The following BTNL8 variants were observed in gnomAD, a reference collection of about 807,000 sequenced individuals.
BTNL8 encodes the protein butyrophilin like 8.
In BTNL8, 22 loss-of-function variants were observed where a neutral mutation model predicts 36.1. That is an observed-to-expected ratio of 0.61 (90% CI 0.44 to 0.87). BTNL8 has a LOEUF of 0.87. Among genes scored for constraint, BTNL8 ranks in the 40% least tolerant of loss-of-function variants. The probability of loss-of-function intolerance (pLI) is 0.00; values close to 1 mark genes in which losing one functional copy is unlikely to be tolerated. For missense variants in BTNL8, 526 were observed against 616.9 expected (o/e 0.85, Z 1.56); for synonymous variants, 203 against 235.6 (o/e 0.86, Z 1.27).
rs1455926471 is a variant in BTNL8 at position 180,911,601 on chromosome 5, G to T, written c.660G>T (p.Arg220Ser). ...HAHLSREVES[R>S]VQIGDTFFEP... ...ATCTGAGCCGAGAGGTGGAATCCAG[G>T]GTACAGATAGGAGGTGAGTAGGGAG... is the stretch of plus-strand genomic sequence containing the variant. Residue 220 changes from arginine (R) to serine (S), a missense_variant, in exon 3 of 8, where the codon AGG (arginine) becomes AGT (serine). By Grantham distance (110) the Arg-to-Ser change is moderately radical. Transcript: ENST00000340184. 3 of 1,611,494 alleles carry T rather than the reference G, an allele frequency of 1.9e-6. No individual in the cohort carries two copies. The highest frequency in any genetic ancestry group is 1.3e-5 in the African/African-American group (1 of 74,848).
chr5:180,922,473 T>C (rs898491937), intron 3 of BTNL8, among the ~76,000 whole-genome samples: 1 of 151,514 alleles, frequency 6.6e-6, no homozygotes, highest in Non-Finnish European at 1.5e-5. Context: ...CAGGAGTAGG[T>C]TATTCAATTT....
At chr5:180,936,046 C>A (rs1644150944) in intron 3 of BTNL8, among the ~76,000 whole-genome samples, 1 of 151,928 alleles carries the variant, frequency 6.6e-6, no homozygotes, top group Non-Finnish European at 1.5e-5. Flanking sequence ...GTAGCTGGGA[C>A]TACAGGCACA....
intron 1 of BTNL8, 42 bp downstream of exon 1, chr5:180,899,401 G>C: frequency 1.3e-6 from 2 of 1,577,196 alleles, no homozygotes; most frequent in Non-Finnish European, 1.7e-6. Context: ...CTAACAGTTT[G>C]AGTTCTTTAG....
rs187470523 is a variant in BTNL8, at chr5:180,909,508, A to G, written c.397+575A>G. On this transcript the variant is annotated intron_variant, in intron 2 of 7. Transcript: ENST00000340184. Reference sequence around the variant, plus strand: ...CAAACGTCAGCTCCAGGAAGCTGTGACTTCCCCTGACAATCAGTTGCTCAA... The same window carrying G: ...CAAACGTCAGCTCCAGGAAGCTGTGGCTTCCCCTGACAATCAGTTGCTCAA... 1.7e-5 allele frequency: 17 copies of G among 983,878 alleles called. No homozygotes were observed. In the East Asian group the frequency reaches 1.7e-3, roughly 99 times the overall value. The allele number at this position is 983,878 out of a possible 1,614,324, so 60.9% of individuals were successfully genotyped here.
intron 2 of BTNL8, among the ~76,000 whole-genome samples, chr5:180,910,850 T>C (rs905486414): frequency 6.6e-6 from 1 of 152,150 alleles, no homozygotes; most frequent in African/African-American, 2.4e-5. Flanking sequence ...CAGCACTCCA[T>C]CACTAGTGAG....
At chr5:180,925,952 T>A (rs1309518599) in intron 3 of BTNL8, among the ~76,000 whole-genome samples, 4 of 152,204 alleles carry the variant, frequency 2.6e-5, no homozygotes, top group Non-Finnish European at 5.9e-5. Context: ...GTTATCAGAA[T>A]AAAATAGCCT....
chr5:180,919,499 A>G (rs1167541701), intron 3 of BTNL8, among the ~76,000 whole-genome samples: 1 of 152,354 alleles, frequency 6.6e-6, no homozygotes, highest in Middle Eastern at 3.4e-3. Context: ...AAGATTAGGA[A>G]CAAGATAAAG....
At chr5:180,943,596 TAAC>T (rs1418788771) in intron 3 of BTNL8, among the ~76,000 whole-genome samples, 1 of 152,172 alleles carries the variant, frequency 6.6e-6, no homozygotes, top group African/African-American at 2.4e-5. Context: ...AGACAAAAGA[TAAC>T]AATTGTTGAT....
intron 1 of BTNL8, chr5:180,902,277 C>A (rs1756854245): frequency 1.4e-6 from 2 of 1,414,350 alleles, no homozygotes; most frequent in Admixed American, 2.0e-5. Flanking sequence ...CAGAAAGAGA[C>A]TTTTTCCTCT....
Position 180,949,408 on chromosome 5 carries a change from C to T in BTNL8, c.862+143C>T, listed in dbSNP as rs1405630509. 5 of 1,249,132 alleles carry T rather than the reference C, an allele frequency of 4.0e-6. 1 individual carries two copies. The highest frequency in any genetic ancestry group is 5.6e-6 in the Non-Finnish European group (5 of 893,470). 77.4% of individuals were successfully genotyped at this position (1,249,132 alleles called of 1,614,324 possible). The stretch of plus-strand genomic sequence containing the variant: ...ATGGAGAAACTGGATGCTTGATCGC[C>T]CCCAAGGGTTCAGTGCCCCCAGACA... On this transcript the variant is annotated intron_variant, in intron 7 of 7. Transcript: ENST00000340184.
rs1759329165 is a variant in BTNL8, at chr5:180,947,622, C to A, written c.784C>A (p.Gln262Lys). The stretch of plus-strand genomic sequence containing the variant: ...ACTGAAGATTTTCTTCTCCAAATTC[C>A]AGTGTAAGCGAGAGAGAGAAGCATG... Reference protein sequence around the residue: ...VGLKIFFSKFQWKIQAELDWR... With the variant: ...VGLKIFFSKFKWKIQAELDWR... Residue 262 changes from glutamine (Q) to lysine (K), a missense_variant, in exon 4 of 8, where the codon CAG becomes AAG. Physicochemically the swap from Gln to Lys is moderately conservative, Grantham distance 53. This residue lies in a region of BTNL8 where 350 missense variants were observed against 324.6 expected (regional missense o/e 1.08). Transcript: ENST00000340184. The A allele has an allele frequency of 6.2e-7, 1 of 1,614,118 alleles. No homozygotes were observed. The highest frequency in any genetic ancestry group is 8.5e-7 in the Non-Finnish European group (1 of 1,180,030).
intron 3 of BTNL8, among the ~76,000 whole-genome samples, chr5:180,941,578 A>G (rs1028270615): frequency 1.3e-5 from 2 of 152,196 alleles, no homozygotes; most frequent in Admixed American, 1.3e-4. Context: ...ATCCAATAGC[A>G]TATCAAAAAG....
intron 1 of BTNL8, among the ~76,000 whole-genome samples, chr5:180,907,805 G>T (rs1051296322): frequency 3.3e-5 from 5 of 151,658 alleles, no homozygotes; most frequent in Non-Finnish European, 7.4e-5. Flanking sequence ...GCCCCTGCTG[G>T]GGGGTGCCTC....
At chr5:180,943,857 A>T (rs1040006972) in intron 3 of BTNL8, among the ~76,000 whole-genome samples, 1 of 152,260 alleles carries the variant, frequency 6.6e-6, no homozygotes, top group African/African-American at 2.4e-5. Flanking sequence ...TAACAAATTA[A>T]TGAAAAGCAA....
intron 3 of BTNL8, among the ~76,000 whole-genome samples, chr5:180,914,917 A>G (rs571927885): frequency 6.6e-6 from 1 of 152,284 alleles, no homozygotes; most frequent in Admixed American, 6.5e-5. Context: ...GTGCCAAGAG[A>G]GACTCCCTCA....
At chr5:180,947,789 C>T (rs1195651516) in intron 4 of BTNL8, 164 bp downstream of exon 4, 6 of 1,603,072 alleles carry the variant, frequency 3.7e-6, no homozygotes, top group Non-Finnish European at 5.1e-6. Flanking sequence ...TCTAACATCT[C>T]TTCCTCTGGA....
At chr5:180,915,286 C>G (rs1162133664) in intron 3 of BTNL8, among the ~76,000 whole-genome samples, 2 of 152,240 alleles carry the variant, frequency 1.3e-5, no homozygotes, top group African/African-American at 4.8e-5. Flanking sequence ...ACGTGCTTCC[C>G]TGCAGACAGG....
chr5:180,918,052 CAAAG>C (rs1277587806), intron 3 of BTNL8, among the ~76,000 whole-genome samples: 2 of 146,582 alleles, frequency 1.4e-5, no homozygotes, highest in East Asian at 2.0e-4. Context: ...AAGAAATAAA[CAAAG>C]AAAGAAAAAT....
chr5:180,938,373 T>G (rs1758755810), intron 3 of BTNL8, among the ~76,000 whole-genome samples: 1 of 152,108 alleles, frequency 6.6e-6, no homozygotes, highest in Non-Finnish European at 1.5e-5. Flanking sequence ...TTCCAAAATA[T>G]TCAACACAAA....
Sources: allele counts gnomAD v4.1 joint callset (sites outside exome capture counted in the v4.1 genomes callset), GRCh38; gene constraint gnomAD v4.1.1; regional missense constraint gnomAD v4.1.1; transcripts MANE v1.5; gene names NCBI Gene and HGNC (gene_info 2026-07-23, HGNC 2026-07-21).